Variants in CREB5 observed in about 807,000 individuals in gnomAD.
CREB5 encodes cyclic AMP-responsive element-binding protein 5.
CREB5 carries 19 observed loss-of-function variants against 57.1 expected under a neutral mutation model. The ratio of observed to expected loss-of-function variants is 0.33; its 90% CI spans 0.23 to 0.49. The LOEUF is 0.49. CREB5 is among the 20% of genes least tolerant of loss of function. The pLI is 0.99. For missense variants in CREB5, 579 were observed against 671.6 expected (o/e 0.86, Z 1.52); for synonymous variants, 238 against 238.3 (o/e 1.00, Z 0.01).
rs538153429 is a variant in CREB5, at chr7:28,629,373, C to T, written c.464+58836C>T. The stretch of plus-strand genomic sequence containing the variant: ...AGTTGTCCTGGAATCAGACGCCCAG[C>T]GTGCGGGTCAGCCAAGCTGTTCAGC... On this transcript the variant is annotated intron_variant, in intron 5 of 10. Coordinates refer to ENST00000357727, the MANE Select transcript of CREB5 (RefSeq NM_182898.4). Among the ~76,000 whole-genome samples, 24 of 152,308 alleles carry T rather than the reference C, an allele frequency of 1.6e-4. No homozygotes were observed. In the East Asian group the frequency reaches 4.2e-3, roughly 27 times the overall value.
intron 8 of CREB5, among the ~76,000 whole-genome samples, chr7:28,804,840 G>A (rs554987951): frequency 6.6e-6 from 1 of 152,216 alleles, no homozygotes; most frequent in South Asian, 2.1e-4. Context: ...CAATGGATTA[G>A]GAAGAACTTA....
At chr7:28,750,235 T>G (rs1804904600) in intron 7 of CREB5, among the ~76,000 whole-genome samples, 1 of 152,142 alleles carries the variant, frequency 6.6e-6, no homozygotes, top group South Asian at 2.1e-4. Context: ...TCACCAGTCA[T>G]TTCTAACTGT....
intron 7 of CREB5, among the ~76,000 whole-genome samples, chr7:28,789,820 C>G (rs1583749556): frequency 6.6e-6 from 1 of 152,068 alleles, no homozygotes; most frequent in Non-Finnish European, 1.5e-5. Context: ...GTGATACATA[C>G]TCTATCCTTA....
intron 1 of CREB5, among the ~76,000 whole-genome samples, chr7:28,465,699 T>C (rs190019994): frequency 6.6e-6 from 1 of 152,230 alleles, no homozygotes; most frequent in African/African-American, 2.4e-5. Flanking sequence ...TAGATCATTC[T>C]AAGAACAAAA....
chr7:28,467,668 G>C (rs1012710939), intron 1 of CREB5, among the ~76,000 whole-genome samples: 1 of 152,112 alleles, frequency 6.6e-6, no homozygotes, highest in East Asian at 1.9e-4. Flanking sequence ...AGAATTTCCC[G>C]CATTGTTATG....
At chr7:28,487,278 G>A (rs1295839492) in intron 1 of CREB5, among the ~76,000 whole-genome samples, 1 of 152,054 alleles carries the variant, frequency 6.6e-6, no homozygotes, top group Non-Finnish European at 1.5e-5. Flanking sequence ...TGATCCAACC[G>A]CCTCAGATTA....
chr7:28,580,855 G>C lies in CREB5; in HGVS notation c.464+10318G>C, dbSNP rs184065569. 2.0e-3 allele frequency among the ~76,000 whole-genome samples: 307 copies of C among 152,190 alleles called. 1 individual carries two copies. Among genetic ancestry groups the C allele is most frequent in the African/African-American group, 6.9e-3 (287 of 41,536 alleles). On this transcript the variant is annotated intron_variant, in intron 5 of 10. Coordinates refer to ENST00000357727, the MANE Select transcript of CREB5 (RefSeq NM_182898.4). ...ATGTTTGGACGATGTCCTTCTCTTG[G>C]TTCATTTCATTGGGTTTCATACCCA... is the stretch of plus-strand genomic sequence containing the variant.
intron 7 of CREB5, among the ~76,000 whole-genome samples, chr7:28,737,545 A>ATATATATATATATATG: frequency 1.2e-4 from 1 of 8,582 alleles, no homozygotes; most frequent in African/African-American, 3.2e-4. Context: ...ATACGTATAT[A>ATATATATATATATATG]TATATATATA....
chr7:28,414,564 G>A (rs943182953), intron 1 of CREB5, among the ~76,000 whole-genome samples: 1 of 152,100 alleles, frequency 6.6e-6, no homozygotes, highest in African/African-American at 2.4e-5. Context: ...AGACACAGAA[G>A]ACCCTTTTTG....
At chr7:28,723,046 A>T (rs767897702) in intron 6 of CREB5, among the ~76,000 whole-genome samples, 6 of 152,190 alleles carry the variant, frequency 3.9e-5, no homozygotes, top group Non-Finnish European at 7.3e-5. Context: ...CACTCTTTGA[A>T]CACCTCCAAT....
chr7:28,560,877 T>TGCGTGCGTGCGC (rs1795130485), intron 4 of CREB5, among the ~76,000 whole-genome samples: 9 of 30,862 alleles, frequency 2.9e-4, no homozygotes, highest in South Asian at 2.3e-3. Flanking sequence ...TGCGTGCGCG[T>TGCGTGCGTGCGC]GCGTGCGTGC....
chr7:28,303,142 C>CAAAA, intron 1 of CREB5, among the ~76,000 whole-genome samples: 1 of 129,892 alleles, frequency 7.7e-6, no homozygotes, highest in South Asian at 2.6e-4. Context: ...AACTCCATCT[C>CAAAA]AAAAAAAAAA....
chr7:28,716,135 C>T (rs1802672437), intron 5 of CREB5, among the ~76,000 whole-genome samples: 1 of 151,984 alleles, frequency 6.6e-6, no homozygotes, highest in African/African-American at 2.4e-5. Flanking sequence ...AATTTTTTCT[C>T]TAATTTTTTT....
At chr7:28,589,857 T>A (rs1000711187) in intron 5 of CREB5, among the ~76,000 whole-genome samples, 1 of 152,180 alleles carries the variant, frequency 6.6e-6, no homozygotes, top group Non-Finnish European at 1.5e-5. Context: ...GAAGCTTCCA[T>A]GTTAAGGGCC....
intron 1 of CREB5, among the ~76,000 whole-genome samples, chr7:28,377,064 T>C (rs568822761): frequency 2.6e-5 from 4 of 152,332 alleles, no homozygotes; most frequent in East Asian, 1.9e-4. Flanking sequence ...TCTCCCAGTC[T>C]GAATTAGAAC....
intron 1 of CREB5, among the ~76,000 whole-genome samples, chr7:28,302,069 G>A (rs1462768297): frequency 6.6e-6 from 1 of 151,996 alleles, no homozygotes; most frequent in Non-Finnish European, 1.5e-5. Context: ...ATATTTGAGT[G>A]GCCTATGTGT....
intron 3 of CREB5, among the ~76,000 whole-genome samples, chr7:28,501,229 C>A: frequency 6.6e-6 from 1 of 152,152 alleles, no homozygotes; most frequent in East Asian, 1.9e-4. Context: ...CTCTGAACTA[C>A]TTTTTCTTAT....
chr7:28,520,477 C>T (rs1386464888), intron 4 of CREB5, among the ~76,000 whole-genome samples: 1 of 152,212 alleles, frequency 6.6e-6, no homozygotes, highest in Non-Finnish European at 1.5e-5. Flanking sequence ...CCACTTCCTG[C>T]AACTCCCTGG....
chr7:28,392,737 A>G (rs1787247195), intron 1 of CREB5, among the ~76,000 whole-genome samples: 1 of 152,144 alleles, frequency 6.6e-6, no homozygotes, highest in Non-Finnish European at 1.5e-5. Context: ...TACATATAGA[A>G]AAGGAGATCA....
Sources: gnomAD v4.1 joint callset for allele counts (sites outside exome capture counted in the v4.1 genomes callset) on GRCh38, gnomAD v4.1.1 for gene constraint, MANE v1.5 for transcripts, NCBI Gene and HGNC (gene_info 2026-07-23, HGNC 2026-07-21) for gene names.